The following KCTD8 variants were observed in gnomAD, a reference collection of about 807,000 sequenced individuals.
KCTD8 encodes BTB/POZ domain-containing protein KCTD8.
KCTD8 carries 27 observed loss-of-function variants against 31.5 expected under a neutral mutation model. The observed-to-expected ratio is 0.86, with a 90% confidence interval of 0.63 to 1.18. The LOEUF is 1.18. Among genes scored for constraint, KCTD8 ranks in the 50% most tolerant of loss-of-function variants. The pLI is 0.00. For synonymous variants in KCTD8, 290 were observed against 280.0 expected (o/e 1.04, Z -0.36); for missense variants, 658 against 647.7 (o/e 1.02, Z -0.17).
At chr4:44,211,371 A>G (rs80252270) in intron 1 of KCTD8, among the ~76,000 whole-genome samples, 4,846 of 152,290 alleles carry the variant, frequency 0.032, 260 homozygotes, top group African/African-American at 0.11. Flanking sequence ...GTATACATAA[A>G]CATGAACACA....
intron 1 of KCTD8, among the ~76,000 whole-genome samples, chr4:44,308,112 T>G (rs1717854290): frequency 6.6e-6 from 1 of 152,000 alleles, no homozygotes; most frequent in East Asian, 1.9e-4. Context: ...AGTTATTCCT[T>G]TATATAGAAT....
chr4:44,369,098 G>C (rs1421929445), intron 1 of KCTD8, among the ~76,000 whole-genome samples: 1 of 152,174 alleles, frequency 6.6e-6, no homozygotes, highest in African/African-American at 2.4e-5. Context: ...TTCCTTTCTG[G>C]TTAAGGGGAA....
At chr4:44,201,784 A>T (rs1030983184) in intron 1 of KCTD8, among the ~76,000 whole-genome samples, 2 of 152,164 alleles carry the variant, frequency 1.3e-5, no homozygotes, top group Non-Finnish European at 2.9e-5. Flanking sequence ...AACAAAAATA[A>T]AATTGACAGT....
rs1181916222 is a variant in KCTD8 at position 44,317,301 on chromosome 4, G to A, written c.961+130262C>T. ...AGGCCGGACTGCGGACTGCAGTGGC[G>A]CAATCTCGGCTCACTGCAAGCTCCG... On this transcript the variant is annotated intron_variant, in intron 1 of 1. Transcript: ENST00000360029. Among the ~76,000 whole-genome samples the A allele has an allele frequency of 1.5e-4, 17 of 112,012 alleles. No homozygotes were observed. The Admixed American group carries it at 1.6e-3, about 11-fold the overall frequency. 73.5% of individuals were successfully genotyped at this position (112,012 alleles called of 152,430 possible). A position where few individuals can be genotyped will look rare whatever the true frequency, so the allele number is the denominator to read the frequency against.
intron 1 of KCTD8, among the ~76,000 whole-genome samples, chr4:44,339,007 T>C (rs1718825948): frequency 6.6e-6 from 1 of 152,186 alleles, no homozygotes; most frequent in Non-Finnish European, 1.5e-5. Flanking sequence ...AAATGTTACC[T>C]GCCCAATATA....
At chr4:44,343,664 A>G (rs553866679) in intron 1 of KCTD8, among the ~76,000 whole-genome samples, 1 of 152,298 alleles carries the variant, frequency 6.6e-6, no homozygotes, top group African/African-American at 2.4e-5. Context: ...AAAGACATTA[A>G]GTTTTTAGGG....
chr4:44,419,046 C>A (rs1414761342), intron 1 of KCTD8, among the ~76,000 whole-genome samples: 1 of 152,064 alleles, frequency 6.6e-6, no homozygotes, highest in African/African-American at 2.4e-5. Flanking sequence ...AAAAATGAAT[C>A]AGAAATTCTG....
rs1713117712 is a variant in KCTD8, at chr4:44,173,927, A to G, written c.*863T>C. ...ATTCTAATACATTTTTCTTTTTTTA[A>G]TAAATACATAAAGCTCTTTACCATT... On this transcript the variant is annotated 3_prime_UTR_variant, in exon 2 of 2. Transcript: ENST00000360029. 6.6e-6 allele frequency: 1 copy of G among 152,164 alleles called. No individual in the cohort carries two copies. 9.4% of individuals were successfully genotyped at this position (152,164 alleles called of 1,614,324 possible). A position where few individuals can be genotyped will look rare whatever the true frequency, so the allele number is the denominator to read the frequency against.
chr4:44,327,544 T>C (rs1718481224), intron 1 of KCTD8, among the ~76,000 whole-genome samples: 1 of 151,764 alleles, frequency 6.6e-6, no homozygotes, highest in Non-Finnish European at 1.5e-5. Flanking sequence ...AAAGGGTATA[T>C]TGAAATAATC....
At chr4:44,358,651 C>G (rs1018785947) in intron 1 of KCTD8, among the ~76,000 whole-genome samples, 37 of 151,972 alleles carry the variant, frequency 2.4e-4, no homozygotes, top group Non-Finnish European at 5.0e-4. Context: ...TCACCGAAAG[C>G]TCCGCCTCCC....
rs1348001286 is a variant in KCTD8, at chr4:44,241,979, GT to G, written c.962-66730del. Reference sequence around the variant, plus strand: ...TAGTTAGGTTTCTCCCCAAGGGGATGTTATTGTTAATTTCTAAATCAGTCAG... The same window carrying G: ...TAGTTAGGTTTCTCCCCAAGGGGATGTATTGTTAATTTCTAAATCAGTCAG... On this transcript the variant is annotated intron_variant, in intron 1 of 1. Transcript: ENST00000360029. Among the ~76,000 whole-genome samples, 51 of 152,282 alleles carry G rather than the reference GT, an allele frequency of 3.3e-4. No individual in the cohort carries two copies. In the Middle Eastern group the frequency reaches 0.014, roughly 41 times the overall value.
At chr4:44,300,718 T>A (rs1216456648) in intron 1 of KCTD8, among the ~76,000 whole-genome samples, 1 of 151,572 alleles carries the variant, frequency 6.6e-6, no homozygotes, top group African/African-American at 2.4e-5. Context: ...ATAAGAACTC[T>A]TTTTTTTATT....
intron 1 of KCTD8, among the ~76,000 whole-genome samples, chr4:44,306,016 T>A (rs1399948322): frequency 1.3e-5 from 2 of 151,838 alleles, no homozygotes; most frequent in Non-Finnish European, 2.9e-5. Flanking sequence ...AGTTCAATAA[T>A]AATATTGCAT....
intron 1 of KCTD8, among the ~76,000 whole-genome samples, chr4:44,428,829 G>A (rs1721405356): frequency 6.6e-6 from 1 of 151,826 alleles, no homozygotes; most frequent in African/African-American, 2.4e-5. Flanking sequence ...TCAAATGACA[G>A]AGAAGGAGGG....
At chr4:44,258,545 A>G (rs1716064302) in intron 1 of KCTD8, among the ~76,000 whole-genome samples, 1 of 151,892 alleles carries the variant, frequency 6.6e-6, no homozygotes, top group South Asian at 2.1e-4. Flanking sequence ...CTGGTTGTGT[A>G]CCTATTTGTA....
intron 1 of KCTD8, among the ~76,000 whole-genome samples, chr4:44,272,457 T>C (rs1230045280): frequency 1.3e-5 from 2 of 152,082 alleles, no homozygotes; most frequent in East Asian, 1.9e-4. Flanking sequence ...CTTTATGAAT[T>C]TGATGAACTG....
chr4:44,269,391 A>T (rs1397612668), intron 1 of KCTD8, among the ~76,000 whole-genome samples: 3 of 151,716 alleles, frequency 2.0e-5, no homozygotes, highest in Non-Finnish European at 4.4e-5. Flanking sequence ...AAATTAATTC[A>T]AGATGGATTA....
chr4:44,349,064 T>C (rs1047006859), intron 1 of KCTD8, among the ~76,000 whole-genome samples: 12 of 129,564 alleles, frequency 9.3e-5, no homozygotes, highest in Non-Finnish European at 1.3e-4. Context: ...CCACCATCGC[T>C]GCCACCGCCA....
intron 1 of KCTD8, among the ~76,000 whole-genome samples, chr4:44,241,118 A>G (rs962095394): frequency 6.6e-6 from 1 of 152,192 alleles, no homozygotes; most frequent in Non-Finnish European, 1.5e-5. Flanking sequence ...TTCCTAATCT[A>G]TATTTCCATG....
Sources: gnomAD v4.1 joint callset for allele counts (sites outside exome capture counted in the v4.1 genomes callset) on GRCh38, gnomAD v4.1.1 for gene constraint, MANE v1.5 for transcripts, NCBI Gene and HGNC (gene_info 2026-07-23, HGNC 2026-07-21) for gene names.